Variants in CNTNAP2 observed in about 807,000 individuals in gnomAD.
CNTNAP2 encodes contactin associated protein 2.
In CNTNAP2, 98 loss-of-function variants were observed where a neutral mutation model predicts 155.2. The ratio of observed to expected loss-of-function variants is 0.63; its 90% confidence interval spans 0.54 to 0.75. The LOEUF is 0.75. Ranked by LOEUF, CNTNAP2 falls within the 30% of genes least tolerant of loss-of-function variation. CNTNAP2 has a pLI of 0.00. For missense variants in CNTNAP2, 1,727 were observed against 1,688.1 expected, an observed-to-expected ratio of 1.02 and a Z score of -0.40; for synonymous variants, 651 against 631.2, an observed-to-expected ratio of 1.03 and a Z score of -0.47.
At chr7:147,837,875 G>T (rs1052145008) in intron 13 of CNTNAP2, among the ~76,000 whole-genome samples, 1 of 152,190 alleles carries the variant, frequency 6.6e-6, no homozygotes, top group Non-Finnish European at 1.5e-5. Context: ...GGCTTTGCAG[G>T]CTATAGCCTC....
At chr7:146,233,729 T>C (rs1584816365) in intron 1 of CNTNAP2, among the ~76,000 whole-genome samples, 1 of 152,176 alleles carries the variant, frequency 6.6e-6, no homozygotes, top group African/African-American at 2.4e-5. Flanking sequence ...GGTTTTTTGT[T>C]CTTGCGATAG....
chr7:147,807,699 G>T (rs958857183), intron 13 of CNTNAP2, among the ~76,000 whole-genome samples: 4 of 152,128 alleles, frequency 2.6e-5, no homozygotes, highest in Non-Finnish European at 5.9e-5. Flanking sequence ...GAGTTTAGCA[G>T]ATAAGGCAGA....
At chr7:146,671,417 T>G (rs1800302070) in intron 1 of CNTNAP2, among the ~76,000 whole-genome samples, 1 of 143,702 alleles carries the variant, frequency 7.0e-6, no homozygotes, top group Admixed American at 6.9e-5. Flanking sequence ...TGTTTCTCTC[T>G]TTTTTTGTCA....
intron 14 of CNTNAP2, among the ~76,000 whole-genome samples, chr7:147,960,678 A>G (rs1185251221): frequency 6.6e-6 from 1 of 152,144 alleles, no homozygotes; most frequent in Non-Finnish European, 1.5e-5. Context: ...GATGAGCTCA[A>G]CATCCTAAGG....
chr7:147,605,599 T>C (rs2116867937), intron 12 of CNTNAP2, among the ~76,000 whole-genome samples: 1 of 152,270 alleles, frequency 6.6e-6, no homozygotes, highest in African/African-American at 2.4e-5. Flanking sequence ...TCCGCCCTTC[T>C]TGTGATATAA....
intron 8 of CNTNAP2, among the ~76,000 whole-genome samples, chr7:147,186,792 A>G (rs1460266109): frequency 6.6e-6 from 1 of 152,194 alleles, no homozygotes; most frequent in Non-Finnish European, 1.5e-5. Context: ...GCATGGCAGA[A>G]GCAGAGGGAA....
chr7:147,424,082 C>A (rs912741405), intron 10 of CNTNAP2, among the ~76,000 whole-genome samples: 5 of 152,182 alleles, frequency 3.3e-5, no homozygotes, highest in Admixed American at 6.5e-5. Context: ...TTCATAGCTC[C>A]TAACCTTCAG....
intron 14 of CNTNAP2, among the ~76,000 whole-genome samples, chr7:147,933,619 C>T (rs1800550830): frequency 6.6e-6 from 1 of 152,104 alleles, no homozygotes; most frequent in South Asian, 2.1e-4. Context: ...AATCCCAGCA[C>T]TTTGGGAGGC....
At chr7:146,223,432 G>C (rs1328537357) in intron 1 of CNTNAP2, among the ~76,000 whole-genome samples, 5 of 152,188 alleles carry the variant, frequency 3.3e-5, no homozygotes, top group Non-Finnish European at 7.3e-5. Flanking sequence ...AAGAGACTTT[G>C]ATCTAGAACA....
intron 14 of CNTNAP2, among the ~76,000 whole-genome samples, chr7:147,948,635 A>C (rs1002755246): frequency 1.3e-5 from 2 of 149,810 alleles, no homozygotes; most frequent in East Asian, 3.9e-4. Flanking sequence ...ATTTACACAC[A>C]CACACACATA....
chr7:146,761,900 A>G (rs1802108182), intron 1 of CNTNAP2, among the ~76,000 whole-genome samples: 1 of 152,142 alleles, frequency 6.6e-6, no homozygotes, highest in Admixed American at 6.5e-5. Context: ...TGGGAGACAA[A>G]GGGGAATATT....
chr7:147,972,565 A>C (rs1184373929), intron 14 of CNTNAP2, among the ~76,000 whole-genome samples: 2 of 152,210 alleles, frequency 1.3e-5, no homozygotes, highest in African/African-American at 4.8e-5. Context: ...GAAGGGAAAT[A>C]ACAGTAACAC....
chr7:147,312,866 A>G (rs1363790802), intron 9 of CNTNAP2, among the ~76,000 whole-genome samples: 1 of 128,524 alleles, frequency 7.8e-6, no homozygotes, highest in Non-Finnish European at 1.6e-5. Context: ...GAACTAGTTT[A>G]CAGTCCCACC....
intron 12 of CNTNAP2, among the ~76,000 whole-genome samples, chr7:147,609,394 G>T (rs549936655): frequency 1.3e-3 from 199 of 152,248 alleles, no homozygotes; most frequent in Non-Finnish European, 2.4e-3. Context: ...AGCCAGGCAT[G>T]GTGGCGGGTG....
chr7:146,369,030 T>TATATATATATATATATATAC (rs1491300605), intron 1 of CNTNAP2, among the ~76,000 whole-genome samples: 2 of 81,102 alleles, frequency 2.5e-5, no homozygotes, highest in African/African-American at 3.6e-4. Context: ...AAGCATTATG[T>TATATATATATATATATATAC]ATATATATAT....
intron 15 of CNTNAP2, among the ~76,000 whole-genome samples, chr7:148,074,238 T>C (rs1424440199): frequency 6.6e-6 from 1 of 152,174 alleles, no homozygotes; most frequent in Non-Finnish European, 1.5e-5. Context: ...TCTATATTCC[T>C]TTCCCATTTT....
intron 1 of CNTNAP2, among the ~76,000 whole-genome samples, chr7:146,692,986 A>G (rs1234821820): frequency 6.6e-6 from 1 of 152,126 alleles, no homozygotes; most frequent in Non-Finnish European, 1.5e-5. Flanking sequence ...ACTATAGTAT[A>G]CGGTAAAAGG....
intron 14 of CNTNAP2, among the ~76,000 whole-genome samples, chr7:147,909,743 T>A (rs1259142926): frequency 6.6e-6 from 1 of 152,206 alleles, no homozygotes; most frequent in Non-Finnish European, 1.5e-5. Context: ...AATTAGCAAT[T>A]CGAAAATGAA....
chr7:148,267,815 A>G (rs1310212339), intron 21 of CNTNAP2, among the ~76,000 whole-genome samples: 2 of 152,228 alleles, frequency 1.3e-5, no homozygotes, highest in Non-Finnish European at 2.9e-5. Flanking sequence ...TCTATGTAGA[A>G]TTTGGTCTAT....
Sources: gnomAD v4.1 joint callset for allele counts (sites outside exome capture counted in the v4.1 genomes callset) on GRCh38, gnomAD v4.1.1 for gene constraint, MANE v1.5 for transcripts, NCBI Gene and HGNC (gene_info 2026-07-23, HGNC 2026-07-21) for gene names.